PKD1L1: variants seen among roughly 807,000 people sequenced by gnomAD.
PKD1L1 encodes polycystin-1-like protein 1.
In PKD1L1, 236 loss-of-function variants were observed where a neutral mutation model predicts 323.4. That is an observed-to-expected ratio of 0.73 (90% CI 0.66 to 0.81). PKD1L1 has a LOEUF of 0.81. PKD1L1 is among the 40% of genes least tolerant of loss of function. The probability of loss-of-function intolerance (pLI) is 0.00; values close to 1 mark genes in which losing one functional copy is unlikely to be tolerated. For synonymous variants in PKD1L1, 1,344 were observed against 1,335.0 expected, an observed-to-expected ratio of 1.01 and a Z score of -0.15; for missense variants, 3,320 against 3,508.0, an observed-to-expected ratio of 0.95 and a Z score of 1.35.
At chr7:47,888,258 T>C in intron 16 of PKD1L1, 108 bp from the exon 17 acceptor site, 1 of 1,169,404 alleles carries the variant, frequency 8.6e-7, no homozygotes, top group Non-Finnish European at 1.2e-6. Flanking sequence ...GGATCTTTAT[T>C]AAGGGACTTC....
At chr7:47,957,976 T>C in the PKD1L1 span, among the ~76,000 whole-genome samples, 3 of 151,668 alleles carry the variant, frequency 2.0e-5, no homozygotes, top group Non-Finnish European at 2.9e-5. Flanking sequence ...AAAGTTATCC[T>C]GTGTTCATGG....
intron 17 of PKD1L1, 138 bp downstream of exon 17, chr7:47,887,852 G>A: frequency 1.2e-6 from 1 of 805,646 alleles, no homozygotes; most frequent in Non-Finnish European, 1.9e-6. Flanking sequence ...GAGGGGCTGG[G>A]GAAGCACGAC....
chr7:47,929,617 C>T (rs1223381057), intron 6 of PKD1L1, 91 bp from the exon 7 acceptor site: 1 of 1,203,870 alleles, frequency 8.3e-7, no homozygotes, highest in East Asian at 2.4e-5. Flanking sequence ...TGGGTCCAGC[C>T]AGCTAGAAGC....
chr7:47,868,832 G>A (rs1384282726), intron 24 of PKD1L1, among the ~76,000 whole-genome samples: 13 of 152,162 alleles, frequency 8.5e-5, no homozygotes, highest in African/African-American at 2.9e-4. Context: ...CCGAGATCAC[G>A]GCACTGCACT....
intron 16 of PKD1L1, among the ~76,000 whole-genome samples, 180 bp from the exon 17 acceptor site, chr7:47,888,330 G>T (rs114930436): frequency 9.9e-4 from 151 of 152,308 alleles, no homozygotes; most frequent in African/African-American, 3.5e-3. Context: ...TGCCAAGCTC[G>T]ACACTCACGT....
chr7:47,883,909 C>T (rs1786620731), intron 19 of PKD1L1, among the ~76,000 whole-genome samples: 1 of 152,228 alleles, frequency 6.6e-6, no homozygotes, highest in Non-Finnish European at 1.5e-5. Context: ...AAATCAGTCA[C>T]TCGCTGATCA....
rs1359315755 is a variant in PKD1L1, at chr7:47,881,923, C to G, written c.3428G>C (p.Gly1143Ala). 1 of 1,599,450 alleles carries G rather than the reference C, an allele frequency of 6.3e-7. No homozygotes were observed. The highest frequency in any genetic ancestry group is 8.5e-7 in the Non-Finnish European group (1 of 1,175,314). ...GACATTCATACCTGAGGATGAATAG[C>G]CTTGGAAAACTGCTCGACCCAGCAG... is the stretch of plus-strand genomic sequence containing the variant. ...KALLGRAVFQ[G>A]YSSSGITEQT... Residue 1143 changes from glycine (G) to alanine (A), a missense_variant, in exon 20 of 57, where the codon GGC becomes GCC. Transcript: ENST00000289672.
At chr7:47,899,818 T>C (rs188727520) in intron 13 of PKD1L1, among the ~76,000 whole-genome samples, 3 of 152,052 alleles carry the variant, frequency 2.0e-5, no homozygotes, top group East Asian at 3.9e-4. Flanking sequence ...TAGCCAGGTG[T>C]GGTGGCGGAC....
rs1467704719 is a variant in PKD1L1 at position 47,946,384 on chromosome 7, CACACT to C, written c.44+2008_44+2012del. 6.8e-6 allele frequency among the ~76,000 whole-genome samples: 1 copy of C among 147,316 alleles called. No individual in the cohort carries two copies. The highest frequency in any genetic ancestry group is 1.5e-5 in the Non-Finnish European group (1 of 66,862). ...CACACACCACACACTCACACCACACCACACTCACACCACACAAACACACCACACAG... is the reference window on the plus strand; with the variant it reads ...CACACACCACACACTCACACCACACCCACACCACACAAACACACCACACAG... On this transcript the variant is annotated intron_variant, in intron 1 of 56. Coordinates refer to ENST00000289672, the MANE Select transcript of PKD1L1 (RefSeq NM_138295.5). The surrounding 1 kb of genome is among the most constrained non-coding windows in gnomAD (Gnocchi z 4.1).
intron 56 of PKD1L1, among the ~76,000 whole-genome samples, chr7:47,776,192 TA>T (rs1464157191): frequency 2.0e-5 from 3 of 152,208 alleles, no homozygotes; most frequent in Non-Finnish European, 4.4e-5. Flanking sequence ...AAGTTTCTAA[TA>T]AAAAACTTCA....
In PKD1L1 at chr7:47,840,653, C is replaced by T. The variant is rs1275089915; in HGVS notation, c.5446-86G>A. 2.9e-6 allele frequency: 3 copies of T among 1,021,888 alleles called. No individual in the cohort carries two copies. The African/African-American group carries it at 4.7e-5, about 16-fold the overall frequency. 63.3% of individuals were successfully genotyped at this position (1,021,888 alleles called of 1,614,324 possible). A position where few individuals can be genotyped will look rare whatever the true frequency, so the allele number is the denominator to read the frequency against. On this transcript the variant is annotated intron_variant, in intron 34 of 56. Transcript: ENST00000289672. This position sits in a 1 kb window ranked among gnomAD's most constrained non-coding sequence, Gnocchi z 4.1. ...TGGGCAGGGCTTCCTCGCACTTTCT[C>T]CCAGCGTCCCACCCTTCCTCAAAAC...
chr7:47,788,577 A>ATATTTT (rs939251075), intron 56 of PKD1L1, among the ~76,000 whole-genome samples: 1 of 138,058 alleles, frequency 7.2e-6, no homozygotes, highest in Non-Finnish European at 1.6e-5. Flanking sequence ...ATATATATAT[A>ATATTTT]TTTTTTTTTT....
At chr7:47,794,310 C>G (rs1049982504) in intron 55 of PKD1L1, among the ~76,000 whole-genome samples, 1 of 152,158 alleles carries the variant, frequency 6.6e-6, no homozygotes, top group Non-Finnish European at 1.5e-5. Flanking sequence ...GGACTGGGCC[C>G]AGGTTCCCCG....
chr7:47,878,462 G>A (rs1297854585), intron 21 of PKD1L1, among the ~76,000 whole-genome samples: 2 of 152,162 alleles, frequency 1.3e-5, no homozygotes, highest in Non-Finnish European at 2.9e-5. Flanking sequence ...CATCCTCATC[G>A]TAACAGCAGG....
At chr7:47,831,129 T>G in intron 42 of PKD1L1, 88 bp downstream of exon 42, 9 of 1,472,008 alleles carry the variant, frequency 6.1e-6, no homozygotes, top group East Asian at 2.3e-5. Flanking sequence ...CTGCATCTGA[T>G]GAGTTCCCAG....
intron 33 of PKD1L1, among the ~76,000 whole-genome samples, chr7:47,844,097 G>A (rs1785616077): frequency 6.6e-6 from 1 of 152,186 alleles, no homozygotes; most frequent in Admixed American, 6.5e-5. Context: ...ATCTTCCAGG[G>A]CTGCTTCCCC....
rs962224866 is a variant in PKD1L1, at chr7:47,780,940, C to T, written c.8527-5774G>A. 3.3e-5 allele frequency among the ~76,000 whole-genome samples: 5 copies of T among 152,204 alleles called. No individual in the cohort carries two copies. In the East Asian group the frequency reaches 5.8e-4, roughly 18 times the overall value. ...ATCTATGATCCAGATAATTTCTGGG[C>T]GATAAGTTTTCATGTTTCATTTTAT... On this transcript the variant is annotated intron_variant, in intron 56 of 56. Coordinates refer to ENST00000289672, the MANE Select transcript of PKD1L1 (RefSeq NM_138295.5).
In PKD1L1 at chr7:47,880,747, G is replaced by T; in HGVS notation, c.3501C>A (p.Tyr1167Ter). Reference sequence around the variant, plus strand: ...ACATACCCACAGACACTTGCAGGACGTACGTCTCTCCACTGCTCAGAGAGT... The same window carrying T: ...ACATACCCACAGACACTTGCAGGACTTACGTCTCTCCACTGCTCAGAGAGT... ...KPYSLSSGET[Y>*]VLQVSVASKH... Residue 1167 changes from tyrosine (Y) to a stop codon, truncating the protein, a stop_gained, in exon 21 of 57, where the codon TAC becomes TAA. Coordinates refer to ENST00000289672, the MANE Select transcript of PKD1L1 (RefSeq NM_138295.5). LOFTEE classifies it high-confidence loss of function. 1 of 1,605,964 alleles carries T rather than the reference G, an allele frequency of 6.2e-7. No individual in the cohort carries two copies. The highest frequency in any genetic ancestry group is 8.5e-7 in the Non-Finnish European group (1 of 1,175,208).
At chr7:47,955,390 T>A in the PKD1L1 span, among the ~76,000 whole-genome samples, 1 of 152,192 alleles carries the variant, frequency 6.6e-6, no homozygotes. Flanking sequence ...TTTACTTTAT[T>A]ACAAAGATAG....
Sources: allele counts gnomAD v4.1 joint callset (sites outside exome capture counted in the v4.1 genomes callset), GRCh38; gene constraint gnomAD v4.1.1; non-coding constraint Gnocchi (gnomAD v3.1); transcripts MANE v1.5; gene names NCBI Gene and HGNC (gene_info 2026-07-23, HGNC 2026-07-21).